TNFSF15: variants seen among roughly 807,000 people sequenced by gnomAD.
TNFSF15 encodes tumor necrosis factor ligand superfamily member 15.
TNFSF15 carries 15 observed loss-of-function variants against 26.4 expected under a neutral mutation model. That is an observed-to-expected ratio of 0.57 (90% CI 0.38 to 0.87). The LOEUF (loss-of-function observed/expected upper bound fraction) is 0.87, where lower values mean the gene tolerates loss of function less well. Ranked by LOEUF, TNFSF15 falls within the 40% of genes least tolerant of loss-of-function variation. TNFSF15 has a pLI of 0.00. For synonymous variants in TNFSF15, 116 were observed against 115.0 expected, an observed-to-expected ratio of 1.01 and a Z score of -0.06; for missense variants, 290 against 306.1, an observed-to-expected ratio of 0.95 and a Z score of 0.39.
At chr9:114,793,692 G>A in intron 1 of TNFSF15, 124 bp from the exon 2 acceptor site, 1 of 831,588 alleles carries the variant, frequency 1.2e-6, no homozygotes, top group Non-Finnish European at 2.0e-6. Flanking sequence ...TCTGTGATGA[G>A]GGAAATGAGA....
intron 1 of TNFSF15, among the ~76,000 whole-genome samples, chr9:114,795,234 A>G (rs1829659228): frequency 6.6e-6 from 1 of 152,210 alleles, no homozygotes. Context: ...CTTCTCTAAT[A>G]TGATTTCGAC....
At chr9:114,801,275 G>A (rs56091492) in intron 1 of TNFSF15, among the ~76,000 whole-genome samples, 6,124 of 152,250 alleles carry the variant, frequency 0.04, 237 homozygotes, top group South Asian at 0.15. Flanking sequence ...CCAGAGTAAG[G>A]CCTGTGGACC....
At chr9:114,794,598 G>T (rs1189865362) in intron 1 of TNFSF15, among the ~76,000 whole-genome samples, 5 of 152,128 alleles carry the variant, frequency 3.3e-5, no homozygotes, top group African/African-American at 1.2e-4. Context: ...ATTCACAATA[G>T]TAGAGATATG....
At chr9:114,804,105 C>T (rs993836858) in intron 1 of TNFSF15, among the ~76,000 whole-genome samples, 6 of 152,202 alleles carry the variant, frequency 3.9e-5, no homozygotes, top group Non-Finnish European at 8.8e-5. Context: ...AGTTACAGAG[C>T]CTGGGCAAAC....
chr9:114,790,347 C>CCTACTCCCGGCCCCAAGAAAA lies in TNFSF15; in HGVS notation c.*84_*104dup. On this transcript the variant is annotated 3_prime_UTR_variant, in exon 4 of 4. Coordinates refer to ENST00000374045, the MANE Select transcript of TNFSF15 (RefSeq NM_005118.4). ...AAACCGTTGTCCCTGTGGAATGCCC[C>CCTACTCCCGGCCCCAAGAAAA]CTACTCCCGGCCCCAAGAAAACCCC... The CCTACTCCCGGCCCCAAGAAAA allele has an allele frequency of 8.4e-7, 1 of 1,187,936 alleles. No individual in the cohort carries two copies. The highest frequency in any genetic ancestry group is 1.2e-6 in the Non-Finnish European group (1 of 844,312). 73.6% of individuals were successfully genotyped at this position (1,187,936 alleles called of 1,614,324 possible).
intron 1 of TNFSF15, among the ~76,000 whole-genome samples, chr9:114,801,351 G>A (rs371207078): frequency 6.6e-6 from 1 of 152,304 alleles, no homozygotes; most frequent in South Asian, 2.1e-4. Flanking sequence ...GCTGTCAAGT[G>A]CAGCTGGGTA....
chr9:114,799,902 C>T (rs1256204541), intron 1 of TNFSF15, among the ~76,000 whole-genome samples: 1 of 152,202 alleles, frequency 6.6e-6, no homozygotes, highest in Non-Finnish European at 1.5e-5. Context: ...TTCCCTTTGC[C>T]CACAACCTGA....
At chr9:114,798,048 T>C (rs1194812343) in intron 1 of TNFSF15, among the ~76,000 whole-genome samples, 1 of 152,206 alleles carries the variant, frequency 6.6e-6, no homozygotes, top group African/African-American at 2.4e-5. Context: ...CAGAGTTTTA[T>C]AATCCAAAAA....
intron 1 of TNFSF15, among the ~76,000 whole-genome samples, chr9:114,802,100 G>A (rs764944662): frequency 9.2e-5 from 14 of 152,146 alleles, no homozygotes; most frequent in Non-Finnish European, 2.1e-4. Context: ...CTGCATAAGA[G>A]GGTGAGATAT....
At position 114,806,009 on chromosome 9, in the gene TNFSF15, C is replaced by T; in HGVS notation, c.4G>A (p.Ala2Thr). The change falls in exon 1 of 4, where the codon GCC becomes ACC. Residue 2 changes from alanine to threonine, a missense_variant. This residue lies in a region of TNFSF15 where 179 missense variants were observed against 165.9 expected (regional missense o/e 1.08). Transcript: ENST00000374045. ...CCAAAGCTCAGTCCCAGATCCTCGG[C>T]CATGCTCCTGCTGCTCCTGGAGGCA... MAEDLGLSFGET... is the reference protein window; with the variant it reads MTEDLGLSFGET... The T allele has an allele frequency of 6.2e-7, 1 of 1,613,498 alleles. No homozygotes were observed. Among genetic ancestry groups the T allele is most frequent in the Non-Finnish European group, 8.5e-7 (1 of 1,179,772 alleles).
rs750444655 is a variant in TNFSF15 at position 114,792,375 on chromosome 9, G to T, written c.301+32C>A. The T allele has an allele frequency of 2.5e-6, 4 of 1,605,612 alleles. No homozygotes were observed. In the South Asian group the frequency reaches 4.5e-5, roughly 18 times the overall value. The stretch of plus-strand genomic sequence containing the variant: ...AAGAAATCTCAGGATTCTGGCCCAT[G>T]GTCTCCCGTAAAACACAGCAGGGAG... On this transcript the variant is annotated intron_variant, in intron 3 of 3. Transcript: ENST00000374045.
chr9:114,795,533 G>C (rs915821195), intron 1 of TNFSF15, among the ~76,000 whole-genome samples: 9 of 152,188 alleles, frequency 5.9e-5, no homozygotes, highest in African/African-American at 2.2e-4. Context: ...CATTTACACT[G>C]TATTAGGTAT....
chr9:114,793,413 C>G, intron 2 of TNFSF15, 113 bp downstream of exon 2: 1 of 1,280,778 alleles, frequency 7.8e-7, no homozygotes, highest in Non-Finnish European at 1.1e-6. Context: ...GATTTGCATC[C>G]CTCAGCTTAG....
In TNFSF15 at chr9:114,790,452, C is replaced by T. The variant is rs1829577416; in HGVS notation, c.756G>A (p.Ter252=). The change falls in exon 4 of 4, where the codon TAG becomes TAA. Residue 252 remains the stop codon, a stop_retained_variant. Transcript: ENST00000374045. The stretch of plus-strand genomic sequence containing the variant: ...TCATATAATGATATTTGCTCTCCTC[C>T]TATAGTAAGAAGGCTCCAAAGAAGG... ...DKTFFGAFLL[*] The T allele has an allele frequency of 1.3e-6, 2 of 1,593,694 alleles. No homozygotes were observed. The highest frequency in any genetic ancestry group is 1.7e-6 in the Non-Finnish European group (2 of 1,169,406).
intron 3 of TNFSF15, chr9:114,792,055 AC>A (rs1466519815): frequency 2.6e-5 from 6 of 231,256 alleles, no homozygotes; most frequent in African/African-American, 2.3e-5. Flanking sequence ...GGCCTTTGGA[AC>A]CCCCCCACAG....
rs576455287 is a variant in TNFSF15 at position 114,793,595 on chromosome 9, A to G, written c.211-27T>C. On this transcript the variant is annotated intron_variant, in intron 1 of 3. Coordinates refer to ENST00000374045, the MANE Select transcript of TNFSF15 (RefSeq NM_005118.4). Reference sequence around the variant, plus strand: ...TATTGGGAAAGAAAGTATAGTTTAGACCAACTGTGGTCCTTTTGATCCCAA... The same window carrying G: ...TATTGGGAAAGAAAGTATAGTTTAGGCCAACTGTGGTCCTTTTGATCCCAA... 1.1e-5 allele frequency: 17 copies of G among 1,612,284 alleles called. No homozygotes were observed. The African/African-American group carries it at 1.6e-4, about 15-fold the overall frequency.
chr9:114,801,327 G>T (rs1046016388), intron 1 of TNFSF15, among the ~76,000 whole-genome samples: 2 of 152,176 alleles, frequency 1.3e-5, no homozygotes, highest in Non-Finnish European at 2.9e-5. Flanking sequence ...CCCAAAGAAT[G>T]CCCAGCCTAC....
chr9:114,792,648 T>C, intron 2 of TNFSF15, 194 bp from the exon 3 acceptor site: 1 of 1,320,306 alleles, frequency 7.6e-7, no homozygotes, highest in Non-Finnish European at 1.0e-6. Context: ...ACAGGGTGAC[T>C]CAGAAGAAAG....
At chr9:114,800,433 T>A (rs1829730824) in intron 1 of TNFSF15, among the ~76,000 whole-genome samples, 1 of 152,072 alleles carries the variant, frequency 6.6e-6, no homozygotes, top group African/African-American at 2.4e-5. Context: ...TTTTCATAGT[T>A]AAATCCTCCT....
Sources: allele counts gnomAD v4.1 joint callset (sites outside exome capture counted in the v4.1 genomes callset), GRCh38; gene constraint gnomAD v4.1.1; regional missense constraint gnomAD v4.1.1; transcripts MANE v1.5; gene names NCBI Gene and HGNC (gene_info 2026-07-23, HGNC 2026-07-21).